PDZRN4: variants seen among roughly 807,000 people sequenced by gnomAD.
PDZRN4 encodes the protein PDZ domain-containing RING finger protein 4.
A neutral mutation model predicts 99.0 loss-of-function variants in PDZRN4; 70 were observed. The observed-to-expected ratio is 0.71, with a 90% CI of 0.58 to 0.86. PDZRN4 has a LOEUF of 0.86. Ranked by LOEUF, PDZRN4 falls within the 40% of genes least tolerant of loss-of-function variation. The pLI, the probability that PDZRN4 is intolerant of heterozygous loss-of-function variation, is 0.00. For missense variants in PDZRN4, 1,474 were observed against 1,331.2 expected (o/e 1.11, Z -1.67); for synonymous variants, 551 against 501.6 (o/e 1.10, Z -1.32).
chr12:41,427,147 T>A (rs570250906), intron 3 of PDZRN4, among the ~76,000 whole-genome samples: 1 of 152,198 alleles, frequency 6.6e-6, no homozygotes, highest in African/African-American at 2.4e-5. Flanking sequence ...CCAGTCACTA[T>A]GACACCAACC....
chr12:41,561,188 G>A (rs1382547673), intron 7 of PDZRN4, among the ~76,000 whole-genome samples: 1 of 151,966 alleles, frequency 6.6e-6, no homozygotes, highest in Non-Finnish European at 1.5e-5. Flanking sequence ...TACATATGAG[G>A]TAGATATCTT....
intron 3 of PDZRN4, among the ~76,000 whole-genome samples, chr12:41,380,810 A>T (rs1340754425): frequency 6.6e-6 from 1 of 152,134 alleles, no homozygotes; most frequent in African/African-American, 2.4e-5. Context: ...CTCTATATTT[A>T]CCTTATCTGG....
At chr12:41,351,439 T>C (rs2405911) in intron 3 of PDZRN4, among the ~76,000 whole-genome samples, 72,052 of 151,756 alleles carry the variant, frequency 0.47, 17,878 homozygotes, top group Middle Eastern at 0.65. Context: ...TGAGATTGGG[T>C]AATTTACAAA....
At chr12:41,394,145 A>G (rs1020672713) in intron 3 of PDZRN4, among the ~76,000 whole-genome samples, 4 of 152,072 alleles carry the variant, frequency 2.6e-5, no homozygotes, top group Non-Finnish European at 4.4e-5. Context: ...GCATCCTCAC[A>G]TGGTGGAAAT....
chr12:41,442,523 G>C (rs866861541), intron 3 of PDZRN4, among the ~76,000 whole-genome samples: 8 of 152,028 alleles, frequency 5.3e-5, no homozygotes, highest in African/African-American at 1.9e-4. Context: ...ATCCTCATTA[G>C]GACTCACCAG....
chr12:41,423,709 C>T (rs1032366245), intron 3 of PDZRN4, among the ~76,000 whole-genome samples: 4 of 152,100 alleles, frequency 2.6e-5, no homozygotes, highest in African/African-American at 9.7e-5. Flanking sequence ...CTCCTACTCC[C>T]ACTGGTTAAA....
rs760510451 is a variant in PDZRN4 at position 41,188,433 on chromosome 12, C to A, written c.-23C>A. On this transcript the variant is annotated 5_prime_UTR_variant, in exon 1 of 10. Coordinates refer to ENST00000402685, the MANE Select transcript of PDZRN4 (RefSeq NM_001164595.2). Reference sequence around the variant, plus strand: ...GAGAAGACGGACTCTGCTTTCGCTCCCCCTTTCTTCCCCATCCCTAACATG... The same window carrying A: ...GAGAAGACGGACTCTGCTTTCGCTCACCCTTTCTTCCCCATCCCTAACATG... The A allele has an allele frequency of 2.6e-6, 4 of 1,549,852 alleles. No individual in the cohort carries two copies. The South Asian group carries it at 3.5e-5, about 14-fold the overall frequency.
chr12:41,280,782 G>T (rs76592450), intron 3 of PDZRN4, among the ~76,000 whole-genome samples: 1 of 152,164 alleles, frequency 6.6e-6, no homozygotes, highest in Admixed American at 6.5e-5. Flanking sequence ...GGATGTGGGT[G>T]CAGCTTCAGC....
rs11608942 is a variant in PDZRN4, at chr12:41,335,921, C to T, written c.843+141733C>T. On this transcript the variant is annotated intron_variant, in intron 3 of 9. Coordinates refer to ENST00000402685, the MANE Select transcript of PDZRN4 (RefSeq NM_001164595.2). ...ATTTTAACTATAAAAGGTCAGTGCACTAAAATGAGAGTTTCTTTAAGAAAT... is the reference window on the plus strand; with the variant it reads ...ATTTTAACTATAAAAGGTCAGTGCATTAAAATGAGAGTTTCTTTAAGAAAT... Among the ~76,000 whole-genome samples, 319 of 152,172 alleles carry T rather than the reference C, an allele frequency of 2.1e-3. 1 individual carries two copies. The highest frequency in any genetic ancestry group is 3.8e-3 in the Non-Finnish European group (258 of 67,982).
intron 1 of PDZRN4, among the ~76,000 whole-genome samples, chr12:41,190,735 C>T (rs969813845): frequency 1.3e-5 from 2 of 152,200 alleles, no homozygotes; most frequent in Non-Finnish European, 2.9e-5. Context: ...ATAACATCTA[C>T]AACCATGAAT....
chr12:41,306,962 C>T (rs7296503), intron 3 of PDZRN4, among the ~76,000 whole-genome samples: 87,003 of 151,974 alleles, frequency 0.57, 26,038 homozygotes, highest in Middle Eastern at 0.7. Flanking sequence ...TATTCTCTAA[C>T]AGATGAAAGC....
chr12:41,482,149 C>T (rs925802896), intron 3 of PDZRN4, among the ~76,000 whole-genome samples: 1 of 152,116 alleles, frequency 6.6e-6, no homozygotes, highest in Non-Finnish European at 1.5e-5. Context: ...TTAGACTTTT[C>T]CTCATTGTCA....
chr12:41,512,984 C>T (rs1938334034), intron 5 of PDZRN4, among the ~76,000 whole-genome samples: 1 of 152,080 alleles, frequency 6.6e-6, no homozygotes, highest in African/African-American at 2.4e-5. Context: ...CATTTCTGAA[C>T]TTGCTAAAAT....
At chr12:41,477,787 A>T in intron 3 of PDZRN4, 6 of 791,388 alleles carry the variant, frequency 7.6e-6, no homozygotes, top group Middle Eastern at 2.2e-4. Flanking sequence ...TGAAAAGCCC[A>T]CAGGCGCCTT....
chr12:41,322,791 G>A lies in PDZRN4; in HGVS notation c.843+128603G>A, dbSNP rs12424021. Reference sequence around the variant, plus strand: ...GATTACAGGCGTGAGCCACCGCGCCGGGCAAAATTTTCTTAAAGTTATTGG... The same window carrying A: ...GATTACAGGCGTGAGCCACCGCGCCAGGCAAAATTTTCTTAAAGTTATTGG... On this transcript the variant is annotated intron_variant, in intron 3 of 9. Transcript: ENST00000402685. Among the ~76,000 whole-genome samples, 21 of 151,874 alleles carry A rather than the reference G, an allele frequency of 1.4e-4. No homozygotes were observed. The South Asian group carries it at 2.9e-3, about 21-fold the overall frequency.
intron 3 of PDZRN4, among the ~76,000 whole-genome samples, chr12:41,318,793 T>G (rs1424273609): frequency 6.6e-6 from 1 of 152,120 alleles, no homozygotes; most frequent in East Asian, 1.9e-4. Flanking sequence ...GAGTAGGAAG[T>G]CTCTTCCTGT....
chr12:41,364,250 C>T (rs1270211346), intron 3 of PDZRN4, among the ~76,000 whole-genome samples: 1 of 152,076 alleles, frequency 6.6e-6, no homozygotes, highest in African/African-American at 2.4e-5. Flanking sequence ...ACCCTTCCCA[C>T]AGTAATCATT....
intron 3 of PDZRN4, among the ~76,000 whole-genome samples, chr12:41,343,799 T>C (rs1337241986): frequency 6.6e-6 from 1 of 151,878 alleles, no homozygotes; most frequent in Non-Finnish European, 1.5e-5. Flanking sequence ...GTACCCTGAT[T>C]TGATCATTAT....
At chr12:41,518,391 G>T (rs987516194) in intron 5 of PDZRN4, among the ~76,000 whole-genome samples, 1 of 152,098 alleles carries the variant, frequency 6.6e-6, no homozygotes, top group Middle Eastern at 3.4e-3. Context: ...TATGTACACT[G>T]TATGAGTGCA....
Sources: allele counts gnomAD v4.1 joint callset (sites outside exome capture counted in the v4.1 genomes callset), GRCh38; gene constraint gnomAD v4.1.1; transcripts MANE v1.5; gene names NCBI Gene and HGNC (gene_info 2026-07-23, HGNC 2026-07-21).